MDGA1: variants seen among roughly 807,000 people sequenced by gnomAD.
The protein encoded by MDGA1 is MAM domain containing glycosylphosphatidylinositol anchor 1.
In MDGA1, 54 loss-of-function variants were observed where a neutral mutation model predicts 101.5. The observed-to-expected ratio is 0.53, with a 90% CI of 0.43 to 0.67. The LOEUF (loss-of-function observed/expected upper bound fraction) is 0.67, where lower values mean the gene tolerates loss of function less well. MDGA1 is among the 30% of genes least tolerant of loss of function. MDGA1 has a pLI of 0.00. For missense variants in MDGA1, 1,083 were observed against 1,323.8 expected (o/e 0.82, Z 2.82); for synonymous variants, 533 against 558.3 (o/e 0.95, Z 0.64).
At chr6:37,677,672 CTTCT>C (rs1762009520) in intron 1 of MDGA1, among the ~76,000 whole-genome samples, 1 of 138,468 alleles carries the variant, frequency 7.2e-6, no homozygotes. Flanking sequence ...GGTCATTGGG[CTTCT>C]TTTTTTTCTA....
intron 2 of MDGA1, among the ~76,000 whole-genome samples, chr6:37,662,466 A>C (rs1163960881): frequency 6.6e-6 from 1 of 151,902 alleles, no homozygotes; most frequent in African/African-American, 2.4e-5. Flanking sequence ...GACACCCTGT[A>C]TCTACAAAAA....
chr6:37,655,486 T>G lies in MDGA1; in HGVS notation c.579+214A>C, dbSNP rs763426499. On this transcript the variant is annotated intron_variant, in intron 4 of 16. Coordinates refer to ENST00000434837, the MANE Select transcript of MDGA1 (RefSeq NM_153487.4). The surrounding 1 kb of genome is among the most constrained non-coding windows in gnomAD (Gnocchi z 5.1). ...CTAGCAATGTTCCTGGAGGACATGT[T>G]GCCTCGGGGACACTCCTGCCCTCAT... 3.4e-5 allele frequency: 17 copies of G among 506,366 alleles called. No individual in the cohort carries two copies. Among genetic ancestry groups the G allele is most frequent in the Middle Eastern group, 5.0e-4 (1 of 1,992 alleles). The allele number at this position is 506,366 out of a possible 1,614,324, so 31.4% of individuals were successfully genotyped here.
intron 12 of MDGA1, among the ~76,000 whole-genome samples, chr6:37,644,958 T>G (rs1761158134): frequency 6.6e-6 from 1 of 152,240 alleles, no homozygotes; most frequent in African/African-American, 2.4e-5. Flanking sequence ...CGAAATACAG[T>G]TGTCAAAATA....
intron 1 of MDGA1, among the ~76,000 whole-genome samples, chr6:37,691,838 C>G (rs1762314247): frequency 6.6e-6 from 1 of 152,220 alleles, no homozygotes. Flanking sequence ...GGGCCATGCG[C>G]CAGGTTTATA....
intron 1 of MDGA1, among the ~76,000 whole-genome samples, chr6:37,692,098 G>A (rs1762319481): frequency 6.6e-6 from 1 of 152,198 alleles, no homozygotes; most frequent in Non-Finnish European, 1.5e-5. Flanking sequence ...TCAGCCCCAG[G>A]TTGAGGAATG....
chr6:37,685,696 A>G (rs1217610537), intron 1 of MDGA1, among the ~76,000 whole-genome samples: 1 of 152,086 alleles, frequency 6.6e-6, no homozygotes, highest in Non-Finnish European at 1.5e-5. Context: ...AATCCCAGGG[A>G]CATGTGAACC....
chr6:37,676,710 C>T (rs544183710), intron 1 of MDGA1, among the ~76,000 whole-genome samples: 54 of 152,196 alleles, frequency 3.5e-4, no homozygotes, highest in African/African-American at 1.3e-3. Flanking sequence ...CCAGCCTGGC[C>T]AACATGGTGA....
In MDGA1 at chr6:37,649,194, G is replaced by T; in HGVS notation, c.1682C>A (p.Ser561Ter). The change falls in exon 9 of 17, where the codon TCG becomes TAG. Residue 561 changes from serine (S) to a stop codon, truncating the protein, a stop_gained. Transcript: ENST00000434837. LOFTEE classifies it high-confidence loss of function. The stretch of plus-strand genomic sequence containing the variant: ...GCGCTGGGGGCTGCCTCGCAGCAGC[G>T]AGCAGCGCAGGAGCACGGGCCGGCC... ...ALGRPVLLRC[S>*]LLRGSPQRIA... The T allele has an allele frequency of 6.6e-7, 1 of 1,504,028 alleles. No homozygotes were observed. Among genetic ancestry groups the T allele is most frequent in the Non-Finnish European group, 8.8e-7 (1 of 1,134,918 alleles). 93.2% of individuals were successfully genotyped at this position (1,504,028 alleles called of 1,614,324 possible).
At chr6:37,641,924 G>C (rs1192960749) in intron 14 of MDGA1, 1 of 152,154 alleles carries the variant, frequency 6.6e-6, no homozygotes, top group Non-Finnish European at 1.5e-5. Flanking sequence ...TTGTTCATCA[G>C]TTCAGCTTGA....
At chr6:37,671,936 T>C (rs1268821907) in intron 1 of MDGA1, among the ~76,000 whole-genome samples, 1 of 151,072 alleles carries the variant, frequency 6.6e-6, no homozygotes, top group Non-Finnish European at 1.5e-5. Context: ...AGCTCAGGAG[T>C]TCGAGACCAG....
At chr6:37,665,862 G>A (rs1396272638) in intron 1 of MDGA1, among the ~76,000 whole-genome samples, 1 of 152,186 alleles carries the variant, frequency 6.6e-6, no homozygotes, top group Non-Finnish European at 1.5e-5. Flanking sequence ...CTATGCATGT[G>A]TGCATTCCCC....
At chr6:37,692,518 C>A (rs1165810657) in intron 1 of MDGA1, among the ~76,000 whole-genome samples, 1 of 152,096 alleles carries the variant, frequency 6.6e-6, no homozygotes, top group Non-Finnish European at 1.5e-5. Context: ...TCACTCCTCC[C>A]AGGCCCTCCC....
Position 37,658,259 on chromosome 6 carries a change from C to T in MDGA1, c.368G>A (p.Arg123His), listed in dbSNP as rs1197290238. 6.2e-6 allele frequency: 10 copies of T among 1,602,142 alleles called. No homozygotes were observed. The highest frequency in any genetic ancestry group is 1.7e-4 in the Middle Eastern group (1 of 6,014). ...CCTCAACTCACACTGCACGTCCACG[C>T]GGATGGACTTGATGGCCGGCACCCC... Reference protein sequence around the residue: ...GVGVPAIKSIRVDVQYLDEPM... With the variant: ...GVGVPAIKSIHVDVQYLDEPM... The change falls in exon 3 of 17, where the codon CGC becomes CAC. Residue 123 changes from arginine to histidine, a missense_variant. Around this residue, in one of 3 missense-constraint regions of MDGA1, gnomAD observed 310 missense variants for 355.9 expected, o/e 0.87. Coordinates refer to ENST00000434837, the MANE Select transcript of MDGA1 (RefSeq NM_153487.4).
intron 1 of MDGA1, among the ~76,000 whole-genome samples, chr6:37,691,024 C>T (rs947774816): frequency 2.0e-5 from 3 of 152,164 alleles, no homozygotes; most frequent in Non-Finnish European, 4.4e-5. Flanking sequence ...TTCAAATTCT[C>T]ACAACCTTTT....
At chr6:37,692,457 G>T (rs912219013) in intron 1 of MDGA1, among the ~76,000 whole-genome samples, 1 of 151,818 alleles carries the variant, frequency 6.6e-6, no homozygotes, top group East Asian at 1.9e-4. Context: ...GCAGGGACGT[G>T]GGGGCAGTGG....
rs1485165224 is a variant in MDGA1, at chr6:37,696,493, A to G, written c.67+252T>C. On this transcript the variant is annotated intron_variant, in intron 1 of 16. Transcript: ENST00000434837. The surrounding 1 kb of genome is among the most constrained non-coding windows in gnomAD (Gnocchi z 5.6). ...CTCTCAAGGGTTCCTAATCATTCCC[A>G]CCTCTAGCAGGGTGTGGGAAAGTGG... Among the ~76,000 whole-genome samples, 4 of 151,944 alleles carry G rather than the reference A, an allele frequency of 2.6e-5. No individual in the cohort carries two copies. The East Asian group carries it at 7.8e-4, about 30-fold the overall frequency.
rs140675471 is a variant in MDGA1 at position 37,677,940 on chromosome 6, C to T, written c.68-13834G>A. 3.6e-3 allele frequency among the ~76,000 whole-genome samples: 548 copies of T among 152,312 alleles called. 1 individual carries two copies. The highest frequency in any genetic ancestry group is 0.012 in the African/African-American group (501 of 41,558). On this transcript the variant is annotated intron_variant, in intron 1 of 16. Transcript: ENST00000434837. The stretch of plus-strand genomic sequence containing the variant: ...TGCAGGGGGAGATAGGGGTGCTGCA[C>T]CCCAACTTCTAGCAACCCCTAAAGC...
chr6:37,646,217 G>A lies in MDGA1; in HGVS notation c.2205C>T (p.Arg735=), dbSNP rs1385613520. Residue 735 remains arginine (R), a synonymous_variant, in exon 11 of 17, where the codon CGC becomes CGT. Coordinates refer to ENST00000434837, the MANE Select transcript of MDGA1 (RefSeq NM_153487.4). The part of the protein sequence containing the change: ...TTFGAGDMAS[R]IIHYTEPINS... Reference sequence around the variant, plus strand: ...ACCTACGCTCTGTGTAGTGGATGATGCGGGAGGCCATGTCACCAGCCCCGA... The same window carrying A: ...ACCTACGCTCTGTGTAGTGGATGATACGGGAGGCCATGTCACCAGCCCCGA... The A allele has an allele frequency of 6.3e-7, 1 of 1,587,022 alleles. No individual in the cohort carries two copies. The highest frequency in any genetic ancestry group is 1.2e-5 in the South Asian group (1 of 86,546).
chr6:37,670,841 C>T (rs1761853766), intron 1 of MDGA1, among the ~76,000 whole-genome samples: 1 of 152,156 alleles, frequency 6.6e-6, no homozygotes, highest in Admixed American at 6.5e-5. Flanking sequence ...GAGACCAATG[C>T]CTGGAAGAGG....
Sources: allele counts gnomAD v4.1 joint callset (sites outside exome capture counted in the v4.1 genomes callset), GRCh38; gene constraint gnomAD v4.1.1; regional missense constraint gnomAD v4.1.1; non-coding constraint Gnocchi (gnomAD v3.1); transcripts MANE v1.5; gene names NCBI Gene and HGNC (gene_info 2026-07-23, HGNC 2026-07-21).